Variants in LMCD1 observed in about 807,000 individuals in gnomAD.
The protein encoded by LMCD1 is LIM and cysteine rich domains 1.
LMCD1 carries 32 observed loss-of-function variants against 42.7 expected under a neutral mutation model. That is an observed-to-expected ratio of 0.75 (90% confidence interval 0.57 to 1.01). LMCD1 has a LOEUF of 1.01. Among genes scored for constraint, LMCD1 ranks in the 50% least tolerant of loss-of-function variants. The pLI is 0.00. For missense variants in LMCD1, 458 were observed against 483.1 expected (o/e 0.95, Z 0.49); for synonymous variants, 178 against 184.9 (o/e 0.96, Z 0.30).
intron 1 of LMCD1, among the ~76,000 whole-genome samples, chr3:8,516,345 G>A (rs1254354880): frequency 1.3e-5 from 2 of 152,126 alleles, no homozygotes; most frequent in African/African-American, 4.8e-5. Context: ...ACCTCTCATA[G>A]CTCAGACAGC....
intron 4 of LMCD1, among the ~76,000 whole-genome samples, chr3:8,556,692 C>A (rs1694937876): frequency 6.6e-6 from 1 of 152,180 alleles, no homozygotes. Flanking sequence ...CCCTGCTCAG[C>A]TGTGGACCAA....
rs764413834 is a variant in LMCD1 at position 8,532,722 on chromosome 3, C to G, written c.43-15C>G. 1.9e-6 allele frequency: 3 copies of G among 1,612,432 alleles called. No individual in the cohort carries two copies. Among genetic ancestry groups the G allele is most frequent in the East Asian group, 2.2e-5 (1 of 44,872 alleles). On this transcript the variant is annotated splice_polypyrimidine_tract_variant and intron_variant, in intron 1 of 5. Transcript: ENST00000157600. ...GTTTGGAAGGAAAACACCCTCTTTT[C>G]TGTTCCTTTTCCAGATGTCCCTGGG...
intron 2 of LMCD1, among the ~76,000 whole-genome samples, chr3:8,536,107 A>G (rs1694503147): frequency 6.6e-6 from 1 of 152,192 alleles, no homozygotes; most frequent in Non-Finnish European, 1.5e-5. Context: ...TCCTGACTGT[A>G]GGAGGGAAAA....
Position 8,501,924 on chromosome 3 carries a change from C to G in LMCD1, c.-15C>G. The stretch of plus-strand genomic sequence containing the variant: ...GCCTGAGAAGCCAGGCGCTGTTCCC[C>G]CACCCCAGAAGAGGATGGCAAAGGT... On this transcript the variant is annotated 5_prime_UTR_variant, in exon 1 of 6. Transcript: ENST00000157600. The G allele has an allele frequency of 6.3e-7, 1 of 1,585,842 alleles. No individual in the cohort carries two copies. Among genetic ancestry groups the G allele is most frequent in the Non-Finnish European group, 8.6e-7 (1 of 1,167,532 alleles).
intron 1 of LMCD1, among the ~76,000 whole-genome samples, chr3:8,526,559 C>T (rs1694305322): frequency 6.6e-6 from 1 of 152,132 alleles, no homozygotes; most frequent in Non-Finnish European, 1.5e-5. Context: ...TCAGTGGTCT[C>T]AAACTTTAAT....
chr3:8,571,015 C>G lies in LMCD1; in HGVS notation c.*3417C>G, dbSNP rs1374335350. On this transcript the variant is annotated 3_prime_UTR_variant, in exon 6 of 6. Coordinates refer to ENST00000157600, the MANE Select transcript of LMCD1 (RefSeq NM_014583.4). ...GCAATAGCTGAGTGGGATTCTGTAC[C>G]AGAATTGGAAAGATCCATGTTAACT... 1 of 152,116 alleles carries G rather than the reference C, an allele frequency of 6.6e-6. No homozygotes were observed. Among genetic ancestry groups the G allele is most frequent in the East Asian group, 1.9e-4 (1 of 5,162 alleles). The allele number at this position is 152,116 out of a possible 1,614,324, so 9.4% of individuals were successfully genotyped here.
At chr3:8,563,639 A>AACTT (rs1162192251) in intron 4 of LMCD1, among the ~76,000 whole-genome samples, 1 of 152,218 alleles carries the variant, frequency 6.6e-6, no homozygotes, top group Non-Finnish European at 1.5e-5. Context: ...GGTTCCAAAT[A>AACTT]ACTTATGTAG....
At chr3:8,514,764 C>T (rs549535317) in intron 1 of LMCD1, among the ~76,000 whole-genome samples, 20 of 152,222 alleles carry the variant, frequency 1.3e-4, no homozygotes, top group South Asian at 2.1e-4. Context: ...GAATACACAC[C>T]GTGTAATTTC....
At position 8,564,423 on chromosome 3, in the gene LMCD1, A is replaced by G. The variant is rs1695093094; in HGVS notation, c.724-1009A>G. Among the ~76,000 whole-genome samples the G allele has an allele frequency of 1.3e-5, 2 of 152,140 alleles. 1 individual carries two copies. Among genetic ancestry groups the G allele is most frequent in the South Asian group, 4.1e-4 (2 of 4,822 alleles). On this transcript the variant is annotated intron_variant, in intron 4 of 5. Transcript: ENST00000157600. ...GTAGCTAGGACTACAGATGAGCACC[A>G]TCACAACTGGCTAATTTTTCAATTT...
rs1391297626 is a variant in LMCD1, at chr3:8,571,546, G to A, written c.*3948G>A. 3.3e-5 allele frequency: 5 copies of A among 152,208 alleles called. No homozygotes were observed. The highest frequency in any genetic ancestry group is 6.5e-5 in the Admixed American group (1 of 15,288). The allele number at this position is 152,208 out of a possible 1,614,324, so 9.4% of individuals were successfully genotyped here. A position where few individuals can be genotyped will look rare whatever the true frequency, so the allele number is the denominator to read the frequency against. ...TCAGTCTGAGCAGAAAATGTTCAAA[G>A]TGAGATATGACTTTGGGGATGGAGA... On this transcript the variant is annotated 3_prime_UTR_variant, in exon 6 of 6. Transcript: ENST00000157600.
At chr3:8,509,946 C>T (rs919589145) in intron 1 of LMCD1, among the ~76,000 whole-genome samples, 4 of 152,158 alleles carry the variant, frequency 2.6e-5, no homozygotes, top group Non-Finnish European at 5.9e-5. Flanking sequence ...CTTCCTACAG[C>T]GATACAGTGG....
chr3:8,522,392 G>A (rs1173781642), intron 1 of LMCD1, among the ~76,000 whole-genome samples: 3 of 152,256 alleles, frequency 2.0e-5, no homozygotes, highest in South Asian at 4.1e-4. Flanking sequence ...TCTGCCCTGC[G>A]GAGCTGATAG....
intron 1 of LMCD1, chr3:8,515,025 A>G: frequency 2.2e-6 from 1 of 456,996 alleles, no homozygotes; most frequent in Non-Finnish European, 4.4e-6. Context: ...ACTGTTAGAT[A>G]ATAATAGAGG....
intron 1 of LMCD1, among the ~76,000 whole-genome samples, chr3:8,527,530 T>C (rs1267722973): frequency 3.3e-5 from 5 of 152,200 alleles, no homozygotes; most frequent in Admixed American, 6.5e-5. Flanking sequence ...TCCTGGACCT[T>C]CTGATAATTT....
intron 1 of LMCD1, among the ~76,000 whole-genome samples, chr3:8,513,292 T>G (rs1330885736): frequency 6.6e-6 from 1 of 152,138 alleles, no homozygotes; most frequent in Admixed American, 6.5e-5. Flanking sequence ...GGAGACCTGG[T>G]GTCAGTTCTT....
At chr3:8,532,892 G>T in intron 2 of LMCD1, 67 bp downstream of exon 2, 1 of 1,341,262 alleles carries the variant, frequency 7.5e-7, no homozygotes, top group South Asian at 1.2e-5. Flanking sequence ...GGGGAACCCT[G>T]GTTGCTTTCT....
chr3:8,506,126 T>C (rs1490811181), intron 1 of LMCD1, among the ~76,000 whole-genome samples: 2 of 152,172 alleles, frequency 1.3e-5, no homozygotes, highest in Non-Finnish European at 2.9e-5. Flanking sequence ...GCTGCAGGTG[T>C]GTCTGACTAT....
At chr3:8,537,608 T>G (rs558206535) in intron 3 of LMCD1, 168 bp downstream of exon 3, 2 of 717,072 alleles carry the variant, frequency 2.8e-6, no homozygotes, top group African/African-American at 3.5e-5. Flanking sequence ...TGTTGAGAAA[T>G]GAAGACTATC....
chr3:8,527,066 C>T (rs1694315493), intron 1 of LMCD1, among the ~76,000 whole-genome samples: 1 of 152,136 alleles, frequency 6.6e-6, no homozygotes, highest in African/African-American at 2.4e-5. Context: ...AAGAGCTTAA[C>T]CTCTCTGAGC....
Sources: gnomAD v4.1 joint callset for allele counts (sites outside exome capture counted in the v4.1 genomes callset) on GRCh38, gnomAD v4.1.1 for gene constraint, MANE v1.5 for transcripts, NCBI Gene and HGNC (gene_info 2026-07-23, HGNC 2026-07-21) for gene names.